Variants in ZMAT4 observed in about 807,000 individuals in gnomAD.
ZMAT4 encodes the protein zinc finger matrin-type 4.
ZMAT4 carries 17 observed loss-of-function variants against 28.7 expected under a neutral mutation model. The ratio of observed to expected loss-of-function variants is 0.59; its 90% confidence interval spans 0.41 to 0.89. ZMAT4 has a LOEUF of 0.89. Ranked by LOEUF, ZMAT4 falls within the 40% of genes least tolerant of loss-of-function variation. The pLI, the probability that ZMAT4 is intolerant of heterozygous loss-of-function variation, is 0.00. For synonymous variants in ZMAT4, 117 were observed against 109.2 expected (o/e 1.07, Z -0.44); for missense variants, 240 against 283.8 (o/e 0.85, Z 1.11).
chr8:40,686,236 G>A (rs1254808237), intron 4 of ZMAT4, among the ~76,000 whole-genome samples: 2 of 151,894 alleles, frequency 1.3e-5, no homozygotes, highest in East Asian at 3.9e-4. Flanking sequence ...AATCACAGGC[G>A]AGGCACGATG....
intron 2 of ZMAT4, among the ~76,000 whole-genome samples, chr8:40,797,624 T>C (rs1814653367): frequency 6.6e-6 from 1 of 152,158 alleles, no homozygotes; most frequent in Non-Finnish European, 1.5e-5. Context: ...TGAGCTACAA[T>C]TTCCTCTAAG....
At chr8:40,765,971 G>A (rs1354768291) in intron 3 of ZMAT4, among the ~76,000 whole-genome samples, 2 of 152,190 alleles carry the variant, frequency 1.3e-5, no homozygotes, top group African/African-American at 4.8e-5. Context: ...AGTAGCCATA[G>A]AGTTCGGAGG....
chr8:40,813,086 T>C (rs1815393705), intron 2 of ZMAT4, among the ~76,000 whole-genome samples: 1 of 151,832 alleles, frequency 6.6e-6, no homozygotes, highest in Admixed American at 6.6e-5. Context: ...ATGTTAACAA[T>C]AGGGGAAACA....
intron 5 of ZMAT4, among the ~76,000 whole-genome samples, chr8:40,600,435 T>C (rs1029746198): frequency 2.0e-5 from 3 of 152,156 alleles, no homozygotes; most frequent in African/African-American, 4.8e-5. Flanking sequence ...TCATACAGGG[T>C]GTGGCCAGGC....
chr8:40,616,068 T>C (rs1257980713), intron 5 of ZMAT4, among the ~76,000 whole-genome samples: 1 of 152,130 alleles, frequency 6.6e-6, no homozygotes, highest in Non-Finnish European at 1.5e-5. Context: ...CATCAAAAAG[T>C]GGGCAAAGGA....
intron 3 of ZMAT4, among the ~76,000 whole-genome samples, chr8:40,751,098 C>T (rs1812435184): frequency 1.3e-5 from 2 of 152,156 alleles, no homozygotes; most frequent in Admixed American, 1.3e-4. Flanking sequence ...CAGATAAGAA[C>T]TTCCTGAGGA....
At chr8:40,699,296 T>C (rs1810029184) in intron 3 of ZMAT4, among the ~76,000 whole-genome samples, 2 of 152,168 alleles carry the variant, frequency 1.3e-5, no homozygotes, top group Non-Finnish European at 2.9e-5. Flanking sequence ...TGCTGGAGGA[T>C]ATATATTTGT....
At chr8:40,540,267 C>A (rs796643086) in intron 6 of ZMAT4, among the ~76,000 whole-genome samples, 1 of 152,154 alleles carries the variant, frequency 6.6e-6, no homozygotes, top group Non-Finnish European at 1.5e-5. Flanking sequence ...ATTCAAGCTG[C>A]GGGCAGGAAG....
At chr8:40,534,574 T>C (rs1372834105) in intron 6 of ZMAT4, among the ~76,000 whole-genome samples, 1 of 151,988 alleles carries the variant, frequency 6.6e-6, no homozygotes, top group Non-Finnish European at 1.5e-5. Context: ...TTGCGCCATA[T>C]ACATACCAGT....
intron 6 of ZMAT4, among the ~76,000 whole-genome samples, chr8:40,539,616 T>C (rs1051128079): frequency 4.6e-5 from 7 of 152,216 alleles, no homozygotes; most frequent in African/African-American, 1.7e-4. Flanking sequence ...CGATAATATC[T>C]TCCTCCTAGG....
chr8:40,696,833 G>A (rs1347853368), intron 4 of ZMAT4, among the ~76,000 whole-genome samples: 5 of 152,106 alleles, frequency 3.3e-5, no homozygotes, highest in Non-Finnish European at 7.4e-5. Context: ...GTAAAAAAAA[G>A]GATGATGTCC....
chr8:40,700,709 C>G (rs982214307), intron 3 of ZMAT4, among the ~76,000 whole-genome samples: 1 of 152,066 alleles, frequency 6.6e-6, no homozygotes, highest in Admixed American at 6.6e-5. Flanking sequence ...TAGGAGTGAG[C>G]CACTGTACCA....
intron 1 of ZMAT4, among the ~76,000 whole-genome samples, chr8:40,845,834 G>T (rs1816872768): frequency 1.4e-5 from 2 of 148,140 alleles, no homozygotes; most frequent in African/African-American, 5.0e-5. Flanking sequence ...CAGGGAGGGT[G>T]AAAAATGTAC....
intron 1 of ZMAT4, among the ~76,000 whole-genome samples, chr8:40,838,852 T>C (rs1816596423): frequency 6.6e-6 from 1 of 152,068 alleles, no homozygotes; most frequent in Non-Finnish European, 1.5e-5. Context: ...ATGAAGGCAA[T>C]TGGAACTGAG....
chr8:40,817,751 T>C (rs1013240253), intron 2 of ZMAT4, among the ~76,000 whole-genome samples: 20 of 152,130 alleles, frequency 1.3e-4, no homozygotes, highest in African/African-American at 4.8e-4. Context: ...AATACAGTGA[T>C]TGGGAAGAAC....
At chr8:40,654,785 GT>G (rs1807842499) in intron 5 of ZMAT4, among the ~76,000 whole-genome samples, 2 of 150,952 alleles carry the variant, frequency 1.3e-5, no homozygotes, top group Admixed American at 6.7e-5. Flanking sequence ...TCAACAAACT[GT>G]AATAGAAAAT....
intron 5 of ZMAT4, among the ~76,000 whole-genome samples, chr8:40,660,714 A>G (rs1808149524): frequency 6.6e-6 from 1 of 152,218 alleles, no homozygotes; most frequent in African/African-American, 2.4e-5. Context: ...AACCTCAACT[A>G]TAAAATCCCC....
intron 4 of ZMAT4, among the ~76,000 whole-genome samples, chr8:40,689,091 G>A (rs995833703): frequency 6.6e-6 from 1 of 152,366 alleles, no homozygotes; most frequent in African/African-American, 2.4e-5. Flanking sequence ...CCCTAGGAAT[G>A]CCTCCCATGG....
intron 6 of ZMAT4, among the ~76,000 whole-genome samples, chr8:40,564,823 T>A (rs1472719844): frequency 6.6e-6 from 1 of 152,206 alleles, no homozygotes; most frequent in Non-Finnish European, 1.5e-5. Flanking sequence ...TGAGCATCCA[T>A]TGTGGGCACA....
Sources: allele counts gnomAD v4.1 joint callset (sites outside exome capture counted in the v4.1 genomes callset), GRCh38; gene constraint gnomAD v4.1.1; transcripts MANE v1.5; gene names NCBI Gene and HGNC (gene_info 2026-07-23, HGNC 2026-07-21).